Variants in OTUB2 observed in about 807,000 individuals in gnomAD.
OTUB2 encodes OTU deubiquitinase, ubiquitin aldehyde binding 2, also known as ubiquitin thioesterase OTUB2.
In OTUB2, 21 loss-of-function variants were observed where a neutral mutation model predicts 25.1. That is an observed-to-expected ratio of 0.84 (90% CI 0.59 to 1.21). The LOEUF is 1.21. Ranked by LOEUF, OTUB2 falls within the 50% of genes most tolerant of loss-of-function variation. OTUB2 has a pLI of 0.00. For synonymous variants in OTUB2, 122 were observed against 122.8 expected (o/e 0.99, Z 0.04); for missense variants, 283 against 298.0 (o/e 0.95, Z 0.37).
rs1313368477 is a variant in OTUB2 at position 94,045,873 on chromosome 14, T to C, written c.656T>C (p.Leu219Pro). The stretch of plus-strand genomic sequence containing the variant: ...GCCGCCACCCCTTCCGTTTACCTGC[T>C]CTATAAAACATCCCACTACAACATC... ...PEAATPSVYL[L>P]YKTSHYNILY... The change falls in exon 6 of 6, where the codon CTC becomes CCC. Residue 219 changes from leucine (L) to proline (P), a missense_variant. Leu to Pro is a moderately conservative substitution (Grantham distance 98, BLOSUM62 -3). Transcript: ENST00000203664. 1 of 1,614,232 alleles carries C rather than the reference T, an allele frequency of 6.2e-7. No individual in the cohort carries two copies. Among genetic ancestry groups the C allele is most frequent in the Non-Finnish European group, 8.5e-7 (1 of 1,180,042 alleles).
Position 94,043,951 on chromosome 14 carries a change from T to A in OTUB2, c.219-20T>A. On this transcript the variant is annotated intron_variant, in intron 3 of 5. Transcript: ENST00000203664. The stretch of plus-strand genomic sequence containing the variant: ...TCTCGCTGTGTTTCCCTGTAAACAC[T>A]CAGTCTTCCCCCTCTGTAGGTTCAA... 6.2e-7 allele frequency: 1 copy of A among 1,609,870 alleles called. No individual in the cohort carries two copies. Among genetic ancestry groups the A allele is most frequent in the East Asian group, 2.2e-5 (1 of 44,864 alleles).
chr14:94,045,614 C>T, intron 5 of OTUB2, 102 bp from the exon 6 acceptor site: 5 of 1,171,740 alleles, frequency 4.3e-6, no homozygotes, highest in East Asian at 2.6e-5. Context: ...GACGTCCCAG[C>T]ACAGAGGCTG....
intron 3 of OTUB2, among the ~76,000 whole-genome samples, chr14:94,043,623 G>A (rs979309345): frequency 2.0e-5 from 3 of 152,196 alleles, no homozygotes; most frequent in East Asian, 1.9e-4. Context: ...GTTGTCAGCC[G>A]ATTGCTGTGG....
At chr14:94,042,346 G>A (rs1030517432) in intron 3 of OTUB2, among the ~76,000 whole-genome samples, 2 of 152,182 alleles carry the variant, frequency 1.3e-5, no homozygotes, top group Non-Finnish European at 2.9e-5. Flanking sequence ...TTGCCTCTCG[G>A]GGGTGCATGT....
At chr14:94,030,846 A>G (rs887282997) in intron 1 of OTUB2, among the ~76,000 whole-genome samples, 11 of 152,116 alleles carry the variant, frequency 7.2e-5, no homozygotes, top group Middle Eastern at 3.4e-3. Context: ...GTAAGCCGGG[A>G]AACCCGGGAG....
At chr14:94,040,096 C>A (rs1436180142) in intron 3 of OTUB2, among the ~76,000 whole-genome samples, 1 of 152,074 alleles carries the variant, frequency 6.6e-6, no homozygotes, top group Non-Finnish European at 1.5e-5. Flanking sequence ...GCAGACACTG[C>A]CAAAAACCTC....
chr14:94,026,342 G>A lies in OTUB2; in HGVS notation c.-196G>A. 3.3e-6 allele frequency: 4 copies of A among 1,225,382 alleles called. No homozygotes were observed. The highest frequency in any genetic ancestry group is 4.1e-6 in the Non-Finnish European group (4 of 983,668). The allele number at this position is 1,225,382 out of a possible 1,614,324, so 75.9% of individuals were successfully genotyped here. On this transcript the variant is annotated 5_prime_UTR_variant, in exon 1 of 6. Transcript: ENST00000203664. ...TGCCCGCCTGAGACGTCAATCGCAG[G>A]GCGTGTGTCTTGCTGGGACACAGTG...
In OTUB2 at chr14:94,026,371, G is replaced by A; in HGVS notation, c.-167G>A. ...TGTGTCTTGCTGGGACACAGTGGAG[G>A]TCTAACCTTTGGTTTGCGGAGCGGT... On this transcript the variant is annotated 5_prime_UTR_variant, in exon 1 of 6. Transcript: ENST00000203664. 2 of 1,247,676 alleles carry A rather than the reference G, an allele frequency of 1.6e-6. No homozygotes were observed. Among genetic ancestry groups the A allele is most frequent in the Admixed American group, 4.2e-5 (1 of 23,580 alleles). The allele number at this position is 1,247,676 out of a possible 1,614,324, so 77.3% of individuals were successfully genotyped here. A position where few individuals can be genotyped will look rare whatever the true frequency, so the allele number is the denominator to read the frequency against.
Position 94,026,455 on chromosome 14 carries a change from G to T in OTUB2, c.-83G>T. The T allele has an allele frequency of 1.5e-6, 2 of 1,319,588 alleles. No homozygotes were observed. Among genetic ancestry groups the T allele is most frequent in the Non-Finnish European group, 1.9e-6 (2 of 1,032,542 alleles). 81.7% of individuals were successfully genotyped at this position (1,319,588 alleles called of 1,614,324 possible). A position where few individuals can be genotyped will look rare whatever the true frequency, so the allele number is the denominator to read the frequency against. ...GGTCCCCGCCACCGAACCAGCGGCGGAGCCCGCCCGCGCCTCCCGCGGCAT... is the reference window on the plus strand; with the variant it reads ...GGTCCCCGCCACCGAACCAGCGGCGTAGCCCGCCCGCGCCTCCCGCGGCAT... On this transcript the variant is annotated 5_prime_UTR_variant, in exon 1 of 6. Transcript: ENST00000203664.
chr14:94,035,757 T>G (rs552643163), intron 1 of OTUB2, among the ~76,000 whole-genome samples: 5 of 152,204 alleles, frequency 3.3e-5, no homozygotes, highest in African/African-American at 9.6e-5. Flanking sequence ...TCAGATGAGG[T>G]GGGGAGATCA....
intron 2 of OTUB2, among the ~76,000 whole-genome samples, chr14:94,037,841 C>A (rs1314384025): frequency 6.6e-6 from 1 of 152,176 alleles, no homozygotes; most frequent in African/African-American, 2.4e-5. Context: ...AGGATTTAAA[C>A]CCAGGCAGCT....
intron 2 of OTUB2, among the ~76,000 whole-genome samples, chr14:94,038,464 G>A (rs1885098275): frequency 6.6e-6 from 1 of 152,198 alleles, no homozygotes; most frequent in South Asian, 2.1e-4. Context: ...TCAAAATGCT[G>A]CTTATAGTCC....
intron 1 of OTUB2, among the ~76,000 whole-genome samples, chr14:94,028,871 G>A (rs1370982218): frequency 6.6e-6 from 1 of 152,222 alleles, no homozygotes; most frequent in Non-Finnish European, 1.5e-5. Flanking sequence ...TTTGAGCTGA[G>A]TTGAAGGATG....
At chr14:94,040,031 C>T (rs1327182370) in intron 3 of OTUB2, among the ~76,000 whole-genome samples, 1 of 152,126 alleles carries the variant, frequency 6.6e-6, no homozygotes, top group Non-Finnish European at 1.5e-5. Flanking sequence ...TGGCCCCCTA[C>T]CCGTGACATA....
intron 5 of OTUB2, among the ~76,000 whole-genome samples, chr14:94,045,054 G>A (rs1595369309): frequency 6.6e-6 from 1 of 152,220 alleles, no homozygotes; most frequent in African/African-American, 2.4e-5. Context: ...TAGTCCAAGA[G>A]TCACATTTGC....
Position 94,044,650 on chromosome 14 carries a change from A to G in OTUB2, c.368A>G (p.Asn123Ser). Residue 123 changes from asparagine to serine, a missense_variant, in exon 5 of 6, where the codon AAC becomes AGC. Coordinates refer to ENST00000203664, the MANE Select transcript of OTUB2 (RefSeq NM_023112.4). ...GTGTCCAGCCTGCTGAAGGTGTTCA[A>G]CGACCAGAGTGCCTCGGACCACATC... ...GSVSSLLKVF[N>S]DQSASDHIVQ... 6.2e-7 allele frequency: 1 copy of G among 1,614,174 alleles called. No individual in the cohort carries two copies. Among genetic ancestry groups the G allele is most frequent in the Non-Finnish European group, 8.5e-7 (1 of 1,180,022 alleles).
At chr14:94,042,672 G>C (rs1360316579) in intron 3 of OTUB2, among the ~76,000 whole-genome samples, 1 of 152,164 alleles carries the variant, frequency 6.6e-6, no homozygotes, top group African/African-American at 2.4e-5. Context: ...GACTGAACAG[G>C]GGGTGCTGAT....
intron 1 of OTUB2, among the ~76,000 whole-genome samples, chr14:94,034,200 G>A (rs116580587): frequency 0.016 from 2,414 of 152,260 alleles, 62 homozygotes; most frequent in African/African-American, 0.053. Context: ...TTTTACCACC[G>A]TGTCTGGATA....
At chr14:94,044,548 T>G in intron 4 of OTUB2, 38 bp from the exon 5 acceptor site, 1 of 1,579,092 alleles carries the variant, frequency 6.3e-7, no homozygotes, top group Non-Finnish European at 8.6e-7. Context: ...GGGCTGGGGC[T>G]TGCTTGGCCT....
Sources: allele counts gnomAD v4.1 joint callset (sites outside exome capture counted in the v4.1 genomes callset), GRCh38; gene constraint gnomAD v4.1.1; transcripts MANE v1.5; gene names NCBI Gene and HGNC (gene_info 2026-07-23, HGNC 2026-07-21).